The following TRANK1 variants were observed in gnomAD, a reference collection of about 807,000 sequenced individuals.
TRANK1 encodes tetratricopeptide repeat and ankyrin repeat containing 1.
Under a neutral mutation model 266.0 loss-of-function variants are expected in TRANK1, and 198 were observed. That is an observed-to-expected ratio of 0.74 (90% CI 0.66 to 0.84). TRANK1 has a LOEUF of 0.84. Ranked by LOEUF, TRANK1 falls within the 40% of genes least tolerant of loss-of-function variation. TRANK1 has a pLI of 0.00. For synonymous variants in TRANK1, 1,396 were observed against 1,384.1 expected, an observed-to-expected ratio of 1.01 and a Z score of -0.19; for missense variants, 3,326 against 3,634.6, an observed-to-expected ratio of 0.92 and a Z score of 2.18.
At position 36,831,845 on chromosome 3, in the gene TRANK1, A is replaced by G; in HGVS notation, c.7738T>C (p.Tyr2580His). The G allele has an allele frequency of 6.2e-7, 1 of 1,613,994 alleles. No homozygotes were observed. The highest frequency in any genetic ancestry group is 8.5e-7 in the Non-Finnish European group (1 of 1,179,884). The change falls in exon 22 of 24, where the codon TAC (tyrosine) becomes CAC (histidine). Residue 2580 changes from tyrosine to histidine, a missense_variant. Transcript: ENST00000645898. This position sits in a 1 kb window ranked among gnomAD's most constrained non-coding sequence, Gnocchi z 5.0. ...LVNAEEILQP[Y>H]CKPLLYRHFR... is the part of the protein sequence containing the mutation. ...TGGCGATACAGGAGAGGCTTGCAGTATGGCTGCAGGATCTCCTCAGCATTC... is the reference window on the plus strand; with the variant it reads ...TGGCGATACAGGAGAGGCTTGCAGTGTGGCTGCAGGATCTCCTCAGCATTC...
intron 9 of TRANK1, among the ~76,000 whole-genome samples, chr3:36,868,513 G>C (rs755852828): frequency 3.7e-4 from 56 of 151,848 alleles, no homozygotes; most frequent in Admixed American, 2.9e-3. Context: ...CTTTTTATAA[G>C]GTTTAAAAAG....
At chr3:36,893,314 C>T (rs900388438) in intron 5 of TRANK1, among the ~76,000 whole-genome samples, 4 of 151,926 alleles carry the variant, frequency 2.6e-5, no homozygotes, top group Non-Finnish European at 4.4e-5. Flanking sequence ...CTGCCAAGTT[C>T]TTAAGGCTTA....
chr3:36,836,070 C>T (rs2078767130), intron 20 of TRANK1, among the ~76,000 whole-genome samples: 1 of 152,324 alleles, frequency 6.6e-6, no homozygotes, highest in South Asian at 2.1e-4. Context: ...CAGTGAAATA[C>T]ATCCACCAGG....
In TRANK1 at chr3:36,874,665, T is replaced by C. The variant is rs150089138; in HGVS notation, c.908-369A>G. Among the ~76,000 whole-genome samples, 656 of 152,196 alleles carry C rather than the reference T, an allele frequency of 4.3e-3. 6 individuals carry two copies. The highest frequency in any genetic ancestry group is 0.015 in the African/African-American group (624 of 41,532). On this transcript the variant is annotated intron_variant, in intron 8 of 23. Transcript: ENST00000645898. The stretch of plus-strand genomic sequence containing the variant: ...TTTATTCCCTAGAGAGGAAACAAAA[T>C]ATTCTTCCAGGAGAAAAGTCTGCCT...
chr3:36,930,198 A>G lies in TRANK1; in HGVS notation c.23+14589T>C, dbSNP rs545689870. ...TGAGATGCAGCAGATTTGAAGCATG[A>G]AAAGGAGTGGGCCCATCACTGCAGG... is the stretch of plus-strand genomic sequence containing the variant. On this transcript the variant is annotated intron_variant, in intron 1 of 23. Transcript: ENST00000645898. Among the ~76,000 whole-genome samples, 121 of 152,300 alleles carry G rather than the reference A, an allele frequency of 7.9e-4. 1 individual carries two copies. Among genetic ancestry groups the G allele is most frequent in the South Asian group, 2.9e-3 (14 of 4,828 alleles).
chr3:36,863,717 T>C (rs2079175014), intron 10 of TRANK1, among the ~76,000 whole-genome samples: 1 of 152,230 alleles, frequency 6.6e-6, no homozygotes. Context: ...ATCTGGTATG[T>C]TGGAAACAAG....
intron 1 of TRANK1, among the ~76,000 whole-genome samples, chr3:36,917,696 T>A (rs2080145531): frequency 6.6e-6 from 1 of 152,232 alleles, no homozygotes; most frequent in Non-Finnish European, 1.5e-5. Flanking sequence ...TACCTCTGTA[T>A]GTATTAATCT....
Position 36,828,393 on chromosome 3 carries a change from GA to G in TRANK1, c.8810-19del. The G allele has an allele frequency of 1.4e-6, 1 of 732,764 alleles. No individual in the cohort carries two copies. Among genetic ancestry groups the G allele is most frequent in the Non-Finnish European group, 2.2e-6 (1 of 459,720 alleles). 45.4% of individuals were successfully genotyped at this position (732,764 alleles called of 1,614,324 possible). ...AACAATACCTGAAGAAAGAAAGAAG[GA>G]AGGAAGGAAGGAAGGAAAGAAGGGA... On this transcript the variant is annotated intron_variant, in intron 23 of 23. Transcript: ENST00000645898.
rs1559410288 is a variant in TRANK1, at chr3:36,829,559, C to CT, written c.8809+4dup. 20 of 1,613,822 alleles carry CT rather than the reference C, an allele frequency of 1.2e-5. No homozygotes were observed. The highest frequency in any genetic ancestry group is 1.7e-5 in the Non-Finnish European group (20 of 1,179,856). On this transcript the variant is annotated splice_donor_region_variant and intron_variant, in intron 23 of 23. Coordinates refer to ENST00000645898, the MANE Select transcript of TRANK1 (RefSeq NM_001329998.2). ...TTACCTGTCCCCACAATCAAGACTC[C>CT]TTACCTTCCTTCTTTAAGCGGGTCT...
chr3:36,870,962 T>TAAAAAAAAAAAAAAAAAAAAAA (rs563787088), intron 9 of TRANK1, among the ~76,000 whole-genome samples: 1 of 65,102 alleles, frequency 1.5e-5, no homozygotes, highest in African/African-American at 5.8e-5. Context: ...ACAAGGAAAC[T>TAAAAAAAAAAAAAAAAAAAAAA]AAAAAAAAAA....
chr3:36,881,815 T>C (rs2079535722), intron 8 of TRANK1, among the ~76,000 whole-genome samples: 1 of 152,208 alleles, frequency 6.6e-6, no homozygotes, highest in Non-Finnish European at 1.5e-5. Flanking sequence ...GATTTCCTTA[T>C]TCCGGACATT....
Position 36,833,641 on chromosome 3 carries a change from A to G in TRANK1, c.5942T>C (p.Leu1981Pro). ...GGCCTGGAAGTCCTTGTCGGCAGTG[A>G]GCCTGGCAGCCTCCAGGAGGCAGCC... ...QHGCLLEAAR[L>P]TADKDFQASC... Residue 1981 changes from leucine (L) to proline (P), a missense_variant, in exon 22 of 24, where the codon CTC (leucine) becomes CCC (proline). Coordinates refer to ENST00000645898, the MANE Select transcript of TRANK1 (RefSeq NM_001329998.2). The G allele has an allele frequency of 6.2e-7, 1 of 1,613,968 alleles. No individual in the cohort carries two copies. The highest frequency in any genetic ancestry group is 1.1e-5 in the South Asian group (1 of 91,082).
intron 17 of TRANK1, 24 bp downstream of exon 17, chr3:36,846,223 TA>T: frequency 6.5e-7 from 1 of 1,550,322 alleles, no homozygotes; most frequent in East Asian, 2.4e-5. Context: ...CTCCATCAGT[TA>T]AGAGTATTTT....
At chr3:36,834,695 G>C in intron 21 of TRANK1, 67 bp downstream of exon 21, 9 of 1,552,218 alleles carry the variant, frequency 5.8e-6, no homozygotes, top group Non-Finnish European at 7.8e-6. Flanking sequence ...GCACCACCCA[G>C]AGCAGGCTGC....
At chr3:36,864,169 A>T in intron 10 of TRANK1, 150 bp downstream of exon 10, 1 of 893,534 alleles carries the variant, frequency 1.1e-6, no homozygotes, top group Non-Finnish European at 1.6e-6. Flanking sequence ...AATGGATTTT[A>T]CACCAAAGAA....
rs1451657227 is a variant in TRANK1, at chr3:36,855,852, C to T, written c.3870G>A (p.Glu1290=). The T allele has an allele frequency of 6.2e-7, 1 of 1,613,656 alleles. No homozygotes were observed. The highest frequency in any genetic ancestry group is 8.5e-7 in the Non-Finnish European group (1 of 1,179,836). Residue 1290 remains glutamate (E), a synonymous_variant, in exon 13 of 24, where the codon GAG becomes GAA. Transcript: ENST00000645898. ...QEESTIPSWQ[E]DEEEAEVDGD... Reference sequence around the variant, plus strand: ...CATCCACCTCAGCCTCCTCTTCATCCTCTTGCCAACTAGGAATGGTTGACT... The same window carrying T: ...CATCCACCTCAGCCTCCTCTTCATCTTCTTGCCAACTAGGAATGGTTGACT...
intron 1 of TRANK1, among the ~76,000 whole-genome samples, chr3:36,944,544 T>A (rs540657434): frequency 6.6e-6 from 1 of 152,204 alleles, no homozygotes; most frequent in South Asian, 2.1e-4. Flanking sequence ...GCCGCAGTCC[T>A]GTCGCAGCGC....
intron 1 of TRANK1, among the ~76,000 whole-genome samples, chr3:36,909,998 C>T (rs1038894149): frequency 2.0e-5 from 3 of 152,180 alleles, no homozygotes; most frequent in African/African-American, 2.4e-5. Flanking sequence ...ATTCTTTAAG[C>T]TGGCCATGGT....
rs2080074021 is a variant in TRANK1 at position 36,913,030 on chromosome 3, T to TGTGTGTGTG, written c.24-4577_24-4576insCACACACAC. ...TGAAGCTAGAAAGAGTATGTCTCTT[T>TGTGTGTGTG]TGTGTGTGTGTGTGTGTGTGTGTGT... On this transcript the variant is annotated intron_variant, in intron 1 of 23. Coordinates refer to ENST00000645898, the MANE Select transcript of TRANK1 (RefSeq NM_001329998.2). Among the ~76,000 whole-genome samples, 3 of 144,066 alleles carry TGTGTGTGTG rather than the reference T, an allele frequency of 2.1e-5. No homozygotes were observed. In the South Asian group the frequency reaches 6.7e-4, roughly 32 times the overall value. The allele number at this position is 144,066 out of a possible 152,430, so 94.5% of individuals were successfully genotyped here. A position where few individuals can be genotyped will look rare whatever the true frequency, so the allele number is the denominator to read the frequency against.
Sources: allele counts gnomAD v4.1 joint callset (sites outside exome capture counted in the v4.1 genomes callset), GRCh38; gene constraint gnomAD v4.1.1; non-coding constraint Gnocchi (gnomAD v3.1); transcripts MANE v1.5; gene names NCBI Gene and HGNC (gene_info 2026-07-23, HGNC 2026-07-21).